UBE2F: variants seen among roughly 807,000 people sequenced by gnomAD.
UBE2F encodes ubiquitin conjugating enzyme E2 F (putative).
A neutral mutation model predicts 29.6 loss-of-function variants in UBE2F; 5 were observed. The ratio of observed to expected loss-of-function variants is 0.17; its 90% CI spans 0.09 to 0.36. The LOEUF (loss-of-function observed/expected upper bound fraction) is 0.36, where lower values mean the gene tolerates loss of function less well. Among genes scored for constraint, UBE2F ranks in the 10% least tolerant of loss-of-function variants. The pLI, the probability that UBE2F is intolerant of heterozygous loss-of-function variation, is 1.00. For missense variants in UBE2F, 141 were observed against 228.5 expected, an observed-to-expected ratio of 0.62 and a Z score of 2.47; for synonymous variants, 66 against 81.8, an observed-to-expected ratio of 0.81 and a Z score of 1.04.
At chr2:238,024,647 T>C (rs1008117437) in intron 5 of UBE2F, among the ~76,000 whole-genome samples, 8 of 152,184 alleles carry the variant, frequency 5.3e-5, no homozygotes, top group Admixed American at 2.0e-4. Flanking sequence ...TCATTAATTA[T>C]ATTTTCTTCT....
chr2:238,003,288 AAAATGT>A (rs879285877), intron 4 of UBE2F: 111 of 462,680 alleles, frequency 2.4e-4, no homozygotes, highest in Non-Finnish European at 3.8e-4. Flanking sequence ...GTTAGCTCTT[AAAATGT>A]CAGTTATCTG....
intron 4 of UBE2F, among the ~76,000 whole-genome samples, chr2:238,015,556 A>G (rs372768667): frequency 1.3e-5 from 2 of 152,144 alleles, no homozygotes; most frequent in East Asian, 1.9e-4. Flanking sequence ...TAGATGACAT[A>G]AATGTTGATA....
intron 9 of UBE2F, among the ~76,000 whole-genome samples, chr2:238,036,627 G>A (rs1247891717): frequency 6.6e-6 from 1 of 152,158 alleles, no homozygotes; most frequent in Non-Finnish European, 1.5e-5. Flanking sequence ...TTGAGCTCAG[G>A]AGTTTGAGAC....
chr2:238,042,741 CAGGTGAGGAATGT>C lies in UBE2F; in HGVS notation c.*1407_*1419del, dbSNP rs1333045435. 2 of 152,228 alleles carry C rather than the reference CAGGTGAGGAATGT, an allele frequency of 1.3e-5. No individual in the cohort carries two copies. The highest frequency in any genetic ancestry group is 2.9e-5 in the Non-Finnish European group (2 of 68,068). 9.4% of individuals were successfully genotyped at this position (152,228 alleles called of 1,614,324 possible). A position where few individuals can be genotyped will look rare whatever the true frequency, so the allele number is the denominator to read the frequency against. On this transcript the variant is annotated 3_prime_UTR_variant, in exon 10 of 10. Coordinates refer to ENST00000272930, the MANE Select transcript of UBE2F (RefSeq NM_080678.3). ...AGATCAGTCTGTCACGGAGACCCAG[CAGGTGAGGAATGT>C]AGGCCTTGCTTCCTCTTTGCACCCA...
At chr2:237,998,060 T>C (rs753667623) in intron 4 of UBE2F, among the ~76,000 whole-genome samples, 5 of 152,196 alleles carry the variant, frequency 3.3e-5, no homozygotes, top group Non-Finnish European at 5.9e-5. Context: ...TGCCCTGCTG[T>C]GATGGTGGTG....
chr2:238,036,652 T>C (rs940283585), intron 9 of UBE2F, among the ~76,000 whole-genome samples: 3 of 152,100 alleles, frequency 2.0e-5, no homozygotes, highest in African/African-American at 7.2e-5. Flanking sequence ...CTGGGCAACA[T>C]GGCAAAACTC....
At chr2:238,037,077 A>G (rs1156926468) in intron 9 of UBE2F, among the ~76,000 whole-genome samples, 3 of 152,072 alleles carry the variant, frequency 2.0e-5, no homozygotes, top group South Asian at 4.2e-4. Context: ...AGCTCCCCCT[A>G]TTCATTATTT....
chr2:237,973,376 G>A (rs2063213037), intron 2 of UBE2F, 151 bp downstream of exon 2: 6 of 922,054 alleles, frequency 6.5e-6, no homozygotes, highest in Non-Finnish European at 9.7e-6. Flanking sequence ...TATAGTGAAG[G>A]ACATTGTACC....
rs2063081975 is a variant in UBE2F at position 237,967,518 on chromosome 2, C to T, written c.-17+386C>T. ...CCCACTCGCGGGATCGGCTGCCTGC[C>T]TTGTACGGAGGAAGCGGGGCGTCCA... On this transcript the variant is annotated intron_variant, in intron 1 of 9. Transcript: ENST00000272930. This position sits in a 1 kb window ranked among gnomAD's most constrained non-coding sequence, Gnocchi z 6.3. Among the ~76,000 whole-genome samples the T allele has an allele frequency of 6.6e-6, 1 of 152,126 alleles. No homozygotes were observed. The highest frequency in any genetic ancestry group is 2.4e-5 in the African/African-American group (1 of 41,446).
In UBE2F at chr2:238,016,287, A is replaced by T. The variant is rs148493023; in HGVS notation, c.215-279A>T. The stretch of plus-strand genomic sequence containing the variant: ...GGTAGGATGCAAGGAGGCCAGGCAG[A>T]TGGCCCCAGAAGGATGTCCCTTCCC... On this transcript the variant is annotated intron_variant, in intron 4 of 9. Transcript: ENST00000272930. Among the ~76,000 whole-genome samples, 8 of 152,254 alleles carry T rather than the reference A, an allele frequency of 5.3e-5. No homozygotes were observed. In the East Asian group the frequency reaches 1.4e-3, roughly 26 times the overall value.
intron 9 of UBE2F, 47 bp downstream of exon 9, chr2:238,035,987 C>G: frequency 2.0e-6 from 3 of 1,481,822 alleles, no homozygotes; most frequent in South Asian, 2.3e-5. Context: ...TTGTCACGAA[C>G]ACGATTACTA....
intron 3 of UBE2F, among the ~76,000 whole-genome samples, chr2:237,989,859 C>T (rs1034603688): frequency 4.0e-5 from 6 of 151,864 alleles, no homozygotes; most frequent in African/African-American, 1.5e-4. Flanking sequence ...TGGCTCACGC[C>T]TATATTCCCA....
chr2:238,013,981 T>C (rs1226534205), intron 4 of UBE2F, among the ~76,000 whole-genome samples: 2 of 152,222 alleles, frequency 1.3e-5, no homozygotes, highest in East Asian at 3.8e-4. Context: ...TGGGCCACGG[T>C]GCACGTGTAG....
intron 2 of UBE2F, among the ~76,000 whole-genome samples, chr2:237,983,099 T>C (rs943890603): frequency 7.2e-5 from 11 of 152,204 alleles, no homozygotes; most frequent in Non-Finnish European, 1.6e-4. Context: ...CCTCCCAAAG[T>C]GCTGGGATTA....
intron 6 of UBE2F, chr2:238,028,953 A>T (rs1367848308): frequency 6.6e-6 from 1 of 152,192 alleles, no homozygotes; most frequent in Non-Finnish European, 1.5e-5. Flanking sequence ...TGATCATTTA[A>T]TCCTTTTAAA....
At chr2:237,973,638 G>A (rs1439444836) in intron 2 of UBE2F, 5 of 1,296,678 alleles carry the variant, frequency 3.9e-6, no homozygotes, top group Non-Finnish European at 2.0e-6. Flanking sequence ...ATCTTTTCCT[G>A]TTTTATTCAG....
intron 4 of UBE2F, among the ~76,000 whole-genome samples, chr2:238,007,225 G>T (rs746744946): frequency 6.6e-6 from 1 of 152,082 alleles, no homozygotes; most frequent in Non-Finnish European, 1.5e-5. Flanking sequence ...GGGTTCAGGC[G>T]ATTCATGTGC....
intron 2 of UBE2F, among the ~76,000 whole-genome samples, chr2:237,979,613 A>C (rs955840143): frequency 2.0e-5 from 3 of 152,180 alleles, no homozygotes; most frequent in African/African-American, 7.2e-5. Context: ...GCAGTGGCCC[A>C]AGGGGAGGAT....
At chr2:237,971,049 A>G (rs1420250986) in intron 1 of UBE2F, among the ~76,000 whole-genome samples, 1 of 152,240 alleles carries the variant, frequency 6.6e-6, no homozygotes, top group African/African-American at 2.4e-5. Flanking sequence ...AGAAAATAAA[A>G]TCTGACAGCA....
Sources: allele counts gnomAD v4.1 joint callset (sites outside exome capture counted in the v4.1 genomes callset), GRCh38; gene constraint gnomAD v4.1.1; non-coding constraint Gnocchi (gnomAD v3.1); transcripts MANE v1.5; gene names NCBI Gene and HGNC (gene_info 2026-07-23, HGNC 2026-07-21).